Variants in TSEN54 observed in about 807,000 individuals in gnomAD.
TSEN54 encodes the protein tRNA-splicing endonuclease subunit Sen54.
A neutral mutation model predicts 61.9 loss-of-function variants in TSEN54; 55 were observed. The ratio of observed to expected loss-of-function variants is 0.89; its 90% CI spans 0.72 to 1.11. TSEN54 has a LOEUF of 1.11. Among genes scored for constraint, TSEN54 ranks in the 50% most tolerant of loss-of-function variants. The pLI is 0.00. For synonymous variants in TSEN54, 304 were observed against 288.7 expected (o/e 1.05, Z -0.54); for missense variants, 760 against 687.7 (o/e 1.11, Z -1.18).
chr17:75,522,112 G>C lies in TSEN54; in HGVS notation c.1031G>C (p.Arg344Pro), dbSNP rs767911960. 1.9e-6 allele frequency: 3 copies of C among 1,579,410 alleles called. No individual in the cohort carries two copies. The highest frequency in any genetic ancestry group is 2.3e-5 in the South Asian group (2 of 86,758). ...AESWCQKLNQ[R>P]KEKLSRRERE... is the part of the protein sequence containing the mutation. ...TCCTGGTGCCAGAAGCTGAACCAGCGCAAGGAGAAGCTCTCCAGGCGGGAA... is the reference window on the plus strand; with the variant it reads ...TCCTGGTGCCAGAAGCTGAACCAGCCCAAGGAGAAGCTCTCCAGGCGGGAA... Residue 344 changes from arginine (R) to proline (P), a missense_variant, in exon 8 of 11, where the codon CGC becomes CCC. Physicochemically the swap from Arg to Pro is moderately radical, Grantham distance 103. Coordinates refer to ENST00000333213, the MANE Select transcript of TSEN54 (RefSeq NM_207346.3).
At chr17:75,523,102 C>A (rs921516687) in intron 8 of TSEN54, 173 bp from the exon 9 acceptor site, 1 of 777,778 alleles carries the variant, frequency 1.3e-6, no homozygotes, top group African/African-American at 1.7e-5. Flanking sequence ...TTGCTTGAAC[C>A]TGGGAGGCAG....
At chr17:75,522,470 G>A (rs1031199923) in intron 8 of TSEN54, 137 bp downstream of exon 8, 5 of 1,510,506 alleles carry the variant, frequency 3.3e-6, no homozygotes, top group Non-Finnish European at 4.4e-6. Context: ...CCACAAGCAC[G>A]GTCAGTTCTC....
rs1045773057 is a variant in TSEN54 at position 75,522,441 on chromosome 17, G to A, written c.1252+108G>A. The A allele has an allele frequency of 2.0e-6, 3 of 1,523,638 alleles. No homozygotes were observed. In the African/African-American group the frequency reaches 4.1e-5, roughly 21 times the overall value. 94.4% of individuals were successfully genotyped at this position (1,523,638 alleles called of 1,614,324 possible). A position where few individuals can be genotyped will look rare whatever the true frequency, so the allele number is the denominator to read the frequency against. The stretch of plus-strand genomic sequence containing the variant: ...GGATGGATTGAGGCTTAAGGAAGAT[G>A]TGGGAGGAGGGAGTGGACCCACAAG... On this transcript the variant is annotated intron_variant, in intron 8 of 10. Transcript: ENST00000333213.
At position 75,517,805 on chromosome 17, in the gene TSEN54, T is replaced by TGGC. The variant is rs928336249; in HGVS notation, c.468+151_468+153dup. ...TGTCACGAGGCTTACATTGTGGTGG[T>TGGC]GGCCTGTTGGCTTCACATAGACCCC... On this transcript the variant is annotated intron_variant, in intron 5 of 10. Transcript: ENST00000333213. 1.9e-4 allele frequency: 137 copies of TGGC among 719,518 alleles called. 1 individual carries two copies. The African/African-American group carries it at 2.1e-3, about 11-fold the overall frequency. 44.6% of individuals were successfully genotyped at this position (719,518 alleles called of 1,614,324 possible).
Position 75,516,544 on chromosome 17 carries a change from C to T in TSEN54, c.-17C>T, listed in dbSNP as rs1445364012. On this transcript the variant is annotated 5_prime_UTR_variant, in exon 1 of 11. Transcript: ENST00000333213. ...GGGCGGGGCGTGGCGGCGCGCGCAG[C>T]GGCAGGCGGCGGCGGGATGGAGCCC... 3.1e-5 allele frequency: 35 copies of T among 1,115,542 alleles called. No individual in the cohort carries two copies. The highest frequency in any genetic ancestry group is 5.1e-5 in the Admixed American group (1 of 19,678). 69.1% of individuals were successfully genotyped at this position (1,115,542 alleles called of 1,614,324 possible). A position where few individuals can be genotyped will look rare whatever the true frequency, so the allele number is the denominator to read the frequency against.
Position 75,522,040 on chromosome 17 carries a change from C to T in TSEN54, c.959C>T (p.Pro320Leu), listed in dbSNP as rs189860274. The T allele has an allele frequency of 5.3e-4, 839 of 1,591,618 alleles. 6 individuals carry two copies. The African/African-American group carries it at 9.8e-3, about 19-fold the overall frequency. Reference sequence around the variant, plus strand: ...CACACCCTTCTGCGCGCCCCAGCCCCAGAGCTGCTCCCGGCCAACGTGGCT... The same window carrying T: ...CACACCCTTCTGCGCGCCCCAGCCCTAGAGCTGCTCCCGGCCAACGTGGCT... ...SRHTLLRAPAPELLPANVAGR... is the reference protein window; with the variant it reads ...SRHTLLRAPALELLPANVAGR... The change falls in exon 8 of 11, where the codon CCA (proline) becomes CTA (leucine). Residue 320 changes from proline (P) to leucine (L), a missense_variant. This residue lies in a region of TSEN54 where 667 missense variants were observed against 577.8 expected (regional missense o/e 1.15). Coordinates refer to ENST00000333213, the MANE Select transcript of TSEN54 (RefSeq NM_207346.3).
At chr17:75,518,680 T>C (rs571550099) in intron 5 of TSEN54, 2 of 985,456 alleles carry the variant, frequency 2.0e-6, no homozygotes, top group African/African-American at 3.5e-5. Flanking sequence ...GCTTCACTCC[T>C]ATGAGCTTTG....
rs570050154 is a variant in TSEN54, at chr17:75,524,477, A to G, written c.*65A>G. On this transcript the variant is annotated 3_prime_UTR_variant, in exon 11 of 11. Coordinates refer to ENST00000333213, the MANE Select transcript of TSEN54 (RefSeq NM_207346.3). ...CCGGGACTGTCTGTTCTCAGGGACC[A>G]TCTCGGCTGCCTCCTGTACCCAGAC... 574 of 1,602,646 alleles carry G rather than the reference A, an allele frequency of 3.6e-4. No individual in the cohort carries two copies. The highest frequency in any genetic ancestry group is 4.3e-4 in the Admixed American group (26 of 59,992).
rs2053476795 is a variant in TSEN54, at chr17:75,524,348, A to G, written c.1517A>G (p.Asp506Gly). ...GTCCCTCTGATCTTTGCCCTGGTGG[A>G]TCATGGTGACATCTCCTTCTACAGC... The part of the protein sequence containing the change: ...GDVPLIFALV[D>G]HGDISFYSFR... Residue 506 changes from aspartate (D) to glycine (G), a missense_variant, in exon 11 of 11, where the codon GAT becomes GGT. This residue lies in a region of TSEN54 where 83 missense variants were observed against 82.9 expected (regional missense o/e 1.00). Transcript: ENST00000333213. 2 of 1,613,966 alleles carry G rather than the reference A, an allele frequency of 1.2e-6. No individual in the cohort carries two copies. Among genetic ancestry groups the G allele is most frequent in the Admixed American group, 1.7e-5 (1 of 60,002 alleles).
rs1262647705 is a variant in TSEN54, at chr17:75,522,176, T to C, written c.1095T>C (p.Asp365=). ...CGGAGGCCGCGCAGTTCCAGGAAGATGTCAACGCCGATCCCGAGGTGCAGC... is the reference window on the plus strand; with the variant it reads ...CGGAGGCCGCGCAGTTCCAGGAAGACGTCAACGCCGATCCCGAGGTGCAGC... ...HHAEAAQFQE[D]VNADPEVQRC... The change falls in exon 8 of 11, where the codon GAT becomes GAC. Residue 365 remains aspartate, a synonymous_variant. Coordinates refer to ENST00000333213, the MANE Select transcript of TSEN54 (RefSeq NM_207346.3). 2 of 1,551,106 alleles carry C rather than the reference T, an allele frequency of 1.3e-6. No individual in the cohort carries two copies. Among genetic ancestry groups the C allele is most frequent in the Non-Finnish European group, 1.7e-6 (2 of 1,145,340 alleles).
At chr17:75,517,405 C>A in intron 4 of TSEN54, 152 bp from the exon 5 acceptor site, 1 of 1,139,164 alleles carries the variant, frequency 8.8e-7, no homozygotes. Context: ...TTCCAGTCCA[C>A]ATTAGTGATG....
rs60973410 is a variant in TSEN54, at chr17:75,517,915, C to T, written c.468+260C>T. ...GGTGAGAGAAGCTAGGGGCTTGTCG[C>T]AGGTTGGGGGTGGGTAGAGTTGCAG... On this transcript the variant is annotated intron_variant, in intron 5 of 10. Transcript: ENST00000333213. Among the ~76,000 whole-genome samples the T allele has an allele frequency of 0.15, 23,191 of 151,992 alleles. 2,556 individuals are homozygous for T. Among genetic ancestry groups the T allele is most frequent in the African/African-American group, 0.31 (12,856 of 41,440 alleles).
chr17:75,523,372 G>T, intron 9 of TSEN54, 37 bp downstream of exon 9: 1 of 1,613,630 alleles, frequency 6.2e-7, no homozygotes, highest in South Asian at 1.1e-5. Flanking sequence ...GCAGTACCTT[G>T]ACCGCCAGGA....
intron 6 of TSEN54, among the ~76,000 whole-genome samples, chr17:75,520,508 C>T (rs1389200708): frequency 6.7e-6 from 1 of 149,058 alleles, no homozygotes; most frequent in Non-Finnish European, 1.5e-5. Flanking sequence ...ATTGCTTGAA[C>T]CTGGGCAGCT....
chr17:75,519,141 C>G lies in TSEN54; in HGVS notation c.521+94C>G. The G allele has an allele frequency of 3.4e-6, 5 of 1,455,962 alleles. No individual in the cohort carries two copies. In the South Asian group the frequency reaches 5.7e-5, roughly 17 times the overall value. The allele number at this position is 1,455,962 out of a possible 1,614,324, so 90.2% of individuals were successfully genotyped here. A position where few individuals can be genotyped will look rare whatever the true frequency, so the allele number is the denominator to read the frequency against. Reference sequence around the variant, plus strand: ...AAAATGGCCTCTCCTTACCTGGAACCCTTGGCTGGAGTGCAGTTCCTTGGG... The same window carrying G: ...AAAATGGCCTCTCCTTACCTGGAACGCTTGGCTGGAGTGCAGTTCCTTGGG... On this transcript the variant is annotated intron_variant, in intron 6 of 10. Transcript: ENST00000333213.
At chr17:75,524,232 G>A in intron 10 of TSEN54, 30 bp from the exon 11 acceptor site, 2 of 1,613,970 alleles carry the variant, frequency 1.2e-6, no homozygotes, top group East Asian at 4.5e-5. Context: ...GGCTATGGCT[G>A]GGTCTCACTC....
chr17:75,522,623 C>CATCT, intron 8 of TSEN54: 1 of 1,152,166 alleles, frequency 8.7e-7, no homozygotes, highest in Non-Finnish European at 1.2e-6. Context: ...GCTGTGATCC[C>CATCT]AACCTGTTAG....
At chr17:75,523,450 C>G in intron 9 of TSEN54, 115 bp downstream of exon 9, 1 of 1,604,616 alleles carries the variant, frequency 6.2e-7, no homozygotes, top group Non-Finnish European at 8.5e-7. Flanking sequence ...GACTCCTACC[C>G]CTACGCCTAG....
Position 75,517,000 on chromosome 17 carries a change from C to T in TSEN54, c.222-9C>T. On this transcript the variant is annotated splice_polypyrimidine_tract_variant and intron_variant, in intron 2 of 10. Coordinates refer to ENST00000333213, the MANE Select transcript of TSEN54 (RefSeq NM_207346.3). ...GGACTGACGCAGACCCCTCCCCACT[C>T]CTCGCCAGGGGCAGCTTGGTGGCTG... 1 of 1,577,004 alleles carries T rather than the reference C, an allele frequency of 6.3e-7. No homozygotes were observed. The highest frequency in any genetic ancestry group is 1.2e-5 in the South Asian group (1 of 86,158).
Sources: allele counts gnomAD v4.1 joint callset (sites outside exome capture counted in the v4.1 genomes callset), GRCh38; gene constraint gnomAD v4.1.1; regional missense constraint gnomAD v4.1.1; transcripts MANE v1.5; gene names NCBI Gene and HGNC (gene_info 2026-07-23, HGNC 2026-07-21).